The following OSBPL1A variants were observed in gnomAD, a reference collection of about 807,000 sequenced individuals.
The protein encoded by OSBPL1A is oxysterol binding protein like 1A, also known as oxysterol-binding protein-related protein 1.
OSBPL1A carries 80 observed loss-of-function variants against 137.1 expected under a neutral mutation model. That is an observed-to-expected ratio of 0.58 (90% CI 0.49 to 0.70). The LOEUF (loss-of-function observed/expected upper bound fraction) is 0.70, where lower values mean the gene tolerates loss of function less well. Among genes scored for constraint, OSBPL1A ranks in the 30% least tolerant of loss-of-function variants. OSBPL1A has a pLI of 0.00. For missense variants in OSBPL1A, 970 were observed against 1,129.4 expected, an observed-to-expected ratio of 0.86 and a Z score of 2.02; for synonymous variants, 365 against 389.7, an observed-to-expected ratio of 0.94 and a Z score of 0.75.
chr18:24,349,073 G>T (rs1400228716), intron 4 of OSBPL1A, among the ~76,000 whole-genome samples: 2 of 152,036 alleles, frequency 1.3e-5, no homozygotes, highest in East Asian at 3.9e-4. Flanking sequence ...GGGCTGAGCT[G>T]GGAGGTTCAC....
intron 7 of OSBPL1A, among the ~76,000 whole-genome samples, chr18:24,326,924 A>G (rs2090991173): frequency 6.6e-6 from 1 of 152,104 alleles, no homozygotes; most frequent in South Asian, 2.1e-4. Flanking sequence ...TGTTTTCCTC[A>G]TTGCAACTAT....
chr18:24,286,652 C>T (rs951712615), intron 14 of OSBPL1A, among the ~76,000 whole-genome samples: 3 of 152,174 alleles, frequency 2.0e-5, no homozygotes, highest in Admixed American at 1.3e-4. Context: ...AGATGTTGCA[C>T]TTGAGTTGGA....
chr18:24,205,157 A>G (rs2087333506), intron 17 of OSBPL1A, among the ~76,000 whole-genome samples: 1 of 152,202 alleles, frequency 6.6e-6, no homozygotes, highest in African/African-American at 2.4e-5. Flanking sequence ...ATGGTCATAT[A>G]TTGAATTAGT....
In OSBPL1A at chr18:24,172,363, C is replaced by T. The variant is rs1235738588; in HGVS notation, c.2201+13G>A. On this transcript the variant is annotated intron_variant, in intron 22 of 27. Coordinates refer to ENST00000319481, the MANE Select transcript of OSBPL1A (RefSeq NM_080597.4). Reference sequence around the variant, plus strand: ...AAACTGAAGGAATGGACGAAGTACCCAAGGTGCCTTACTTGTGGTTTATAA... The same window carrying T: ...AAACTGAAGGAATGGACGAAGTACCTAAGGTGCCTTACTTGTGGTTTATAA... 1.3e-6 allele frequency: 2 copies of T among 1,585,004 alleles called. No individual in the cohort carries two copies. The highest frequency in any genetic ancestry group is 1.7e-6 in the Non-Finnish European group (2 of 1,154,132).
intron 15 of OSBPL1A, among the ~76,000 whole-genome samples, chr18:24,242,819 A>G: frequency 6.6e-6 from 1 of 152,226 alleles, no homozygotes; most frequent in Middle Eastern, 3.2e-3. Flanking sequence ...TTACTCATGT[A>G]ATTACAATTT....
At position 24,167,380 on chromosome 18, in the gene OSBPL1A, A is replaced by G; in HGVS notation, c.2484T>C (p.Pro828=). ...CTATTCGCCATAGAAGAACGCTTCC[A>G]GGGATAATGAATACACTTTCAGAAT... The part of the protein sequence containing the change: ...VPDSESVFII[P]GSVLLWRIAP... Residue 828 remains proline, a synonymous_variant, in exon 25 of 28, where the codon CCT becomes CCC. Transcript: ENST00000319481. 1 of 1,614,268 alleles carries G rather than the reference A, an allele frequency of 6.2e-7. No individual in the cohort carries two copies. The highest frequency in any genetic ancestry group is 1.6e-4 in the Middle Eastern group (1 of 6,062).
intron 7 of OSBPL1A, chr18:24,321,674 G>A (rs2090862397): frequency 1.9e-6 from 1 of 523,466 alleles, no homozygotes; most frequent in Admixed American, 2.0e-5. Context: ...TGAATAAAAT[G>A]GCATGACAGG....
chr18:24,313,011 C>G (rs1398500947), intron 12 of OSBPL1A, among the ~76,000 whole-genome samples: 1 of 151,774 alleles, frequency 6.6e-6, no homozygotes, highest in Non-Finnish European at 1.5e-5. Context: ...GTAATCCCAG[C>G]TACTCGGGAG....
intron 5 of OSBPL1A, among the ~76,000 whole-genome samples, chr18:24,340,522 G>A (rs186478858): frequency 3.0e-4 from 46 of 152,046 alleles, no homozygotes; most frequent in African/African-American, 1.0e-3. Context: ...AATAAATAGC[G>A]AGCCAGGCAC....
chr18:24,173,002 T>C (rs560082661), intron 21 of OSBPL1A, among the ~76,000 whole-genome samples: 1 of 152,240 alleles, frequency 6.6e-6, no homozygotes, highest in East Asian at 1.9e-4. Context: ...TCAACCTAAA[T>C]GCCCATCAAT....
At chr18:24,179,569 T>C (rs2086543541) in intron 20 of OSBPL1A, among the ~76,000 whole-genome samples, 169 bp downstream of exon 20, 1 of 152,240 alleles carries the variant, frequency 6.6e-6, no homozygotes, top group African/African-American at 2.4e-5. Context: ...CTTTTATATA[T>C]GTTTCAGTAT....
At chr18:24,168,740 G>T (rs147252885) in intron 24 of OSBPL1A, among the ~76,000 whole-genome samples, 1 of 152,154 alleles carries the variant, frequency 6.6e-6, no homozygotes, top group African/African-American at 2.4e-5. Context: ...GTTCAGGAAC[G>T]TCAGAAATCC....
chr18:24,279,592 G>A (rs1388993481), intron 15 of OSBPL1A, among the ~76,000 whole-genome samples: 1 of 151,890 alleles, frequency 6.6e-6, no homozygotes, highest in East Asian at 1.9e-4. Context: ...ACTAAAACAA[G>A]AATAAGAAAT....
chr18:24,366,846 C>T, intron 4 of OSBPL1A, 46 bp downstream of exon 4: 1 of 1,562,730 alleles, frequency 6.4e-7, no homozygotes, highest in Non-Finnish European at 8.7e-7. Flanking sequence ...GTAACTACTC[C>T]TCCAAATACC....
intron 14 of OSBPL1A, among the ~76,000 whole-genome samples, chr18:24,289,151 A>T (rs2090127796): frequency 6.6e-6 from 1 of 152,072 alleles, no homozygotes. Context: ...AAAAAGGGGG[A>T]TTTCTTTTTT....
At chr18:24,387,357 A>G (rs1907019738) in intron 1 of OSBPL1A, among the ~76,000 whole-genome samples, 1 of 151,900 alleles carries the variant, frequency 6.6e-6, no homozygotes, top group African/African-American at 2.4e-5. Context: ...GCCCAGCCCA[A>G]AAATATTTTT....
intron 17 of OSBPL1A, among the ~76,000 whole-genome samples, chr18:24,222,304 A>G (rs912993052): frequency 2.0e-5 from 3 of 152,178 alleles, no homozygotes; most frequent in African/African-American, 7.2e-5. Flanking sequence ...TTACAGAATC[A>G]TAACATGGAT....
chr18:24,237,196 G>A (rs1021882576), intron 16 of OSBPL1A, among the ~76,000 whole-genome samples: 14 of 152,330 alleles, frequency 9.2e-5, no homozygotes, highest in African/African-American at 2.9e-4. Flanking sequence ...AGGAGAAGGA[G>A]TGCATGATTA....
At chr18:24,259,143 G>A (rs1401714832) in intron 15 of OSBPL1A, among the ~76,000 whole-genome samples, 3 of 151,902 alleles carry the variant, frequency 2.0e-5, no homozygotes, top group African/African-American at 4.8e-5. Context: ...TCCTGACCTC[G>A]TGATCCGCCT....
Sources: gnomAD v4.1 joint callset for allele counts (sites outside exome capture counted in the v4.1 genomes callset) on GRCh38, gnomAD v4.1.1 for gene constraint, MANE v1.5 for transcripts, NCBI Gene and HGNC (gene_info 2026-07-23, HGNC 2026-07-21) for gene names.